The following ADGRF5 variants were observed in gnomAD, a reference collection of about 807,000 sequenced individuals.
The protein encoded by ADGRF5 is G-protein coupled receptor 116.
A neutral mutation model predicts 132.3 loss-of-function variants in ADGRF5; 75 were observed. That is an observed-to-expected ratio of 0.57 (90% CI 0.47 to 0.69). ADGRF5 has a LOEUF of 0.69. Among genes scored for constraint, ADGRF5 ranks in the 30% least tolerant of loss-of-function variants. The pLI is 0.00. For missense variants in ADGRF5, 1,516 were observed against 1,630.6 expected (o/e 0.93, Z 1.21); for synonymous variants, 629 against 597.6 (o/e 1.05, Z -0.77).
At chr6:46,882,311 T>C (rs569809437) in intron 6 of ADGRF5, among the ~76,000 whole-genome samples, 2 of 151,402 alleles carry the variant, frequency 1.3e-5, no homozygotes, top group Non-Finnish European at 2.9e-5. Flanking sequence ...GTAGACTAGA[T>C]GAAATGTGCA....
intron 2 of ADGRF5, among the ~76,000 whole-genome samples, chr6:46,904,366 T>C (rs1775103692): frequency 6.6e-6 from 1 of 152,204 alleles, no homozygotes; most frequent in African/African-American, 2.4e-5. Context: ...TATTCGGCCT[T>C]AAAAAGAGGG....
At chr6:46,866,836 T>C in intron 13 of ADGRF5, 89 bp downstream of exon 13, 1 of 725,072 alleles carries the variant, frequency 1.4e-6, no homozygotes, top group South Asian at 1.8e-5. Context: ...TACAATCCTA[T>C]GTCTCTTGAT....
At chr6:46,874,225 C>T (rs2150818269) in intron 10 of ADGRF5, among the ~76,000 whole-genome samples, 1 of 152,320 alleles carries the variant, frequency 6.6e-6, no homozygotes, top group South Asian at 2.1e-4. Flanking sequence ...TGCTTCTCTT[C>T]TCTTTATCTT....
At chr6:46,944,377 G>A (rs1778217838) in intron 1 of ADGRF5, among the ~76,000 whole-genome samples, 1 of 152,168 alleles carries the variant, frequency 6.6e-6, no homozygotes, top group South Asian at 2.1e-4. Flanking sequence ...TGTGTCACCT[G>A]GTTCCTAACA....
intron 6 of ADGRF5, 118 bp from the exon 7 acceptor site, chr6:46,882,225 G>C: frequency 3.9e-6 from 3 of 773,438 alleles, no homozygotes; most frequent in Non-Finnish European, 7.0e-6. Flanking sequence ...ATTATCTTCT[G>C]TCTATTTTGT....
chr6:46,862,241 G>T (rs1769841205), intron 15 of ADGRF5, among the ~76,000 whole-genome samples: 1 of 152,154 alleles, frequency 6.6e-6, no homozygotes, highest in Admixed American at 6.5e-5. Context: ...CTCACCAGTT[G>T]CATCACCAGA....
At chr6:46,888,554 A>G (rs760503903) in intron 3 of ADGRF5, 49 bp from the exon 4 acceptor site, 6 of 1,297,226 alleles carry the variant, frequency 4.6e-6, no homozygotes, top group Non-Finnish European at 6.7e-6. Context: ...TGGGAGATGG[A>G]GTAAGATCAT....
At chr6:46,895,008 T>C (rs1774024435) in intron 3 of ADGRF5, among the ~76,000 whole-genome samples, 1 of 152,040 alleles carries the variant, frequency 6.6e-6, no homozygotes, top group Non-Finnish European at 1.5e-5. Flanking sequence ...GAAACCTGTT[T>C]CTACTAAAAA....
At chr6:46,916,884 T>G (rs1383888216) in intron 1 of ADGRF5, among the ~76,000 whole-genome samples, 1 of 152,254 alleles carries the variant, frequency 6.6e-6, no homozygotes, top group Non-Finnish European at 1.5e-5. Context: ...TACCTTCTTT[T>G]GTCATAAATA....
Position 46,858,139 on chromosome 6 carries a change from T to C in ADGRF5, c.3764A>G (p.Asn1255Ser), listed in dbSNP as rs775344875. 9.9e-6 allele frequency: 16 copies of C among 1,610,318 alleles called. No individual in the cohort carries two copies. The highest frequency in any genetic ancestry group is 3.3e-4 in the Middle Eastern group (2 of 6,066). Residue 1255 changes from asparagine (N) to serine (S), a missense_variant, in exon 17 of 21, where the codon AAT becomes AGT. Physicochemically the swap from Asn to Ser is conservative, Grantham distance 46. This residue lies in a region of ADGRF5 where 571 missense variants were observed against 701.2 expected (regional missense o/e 0.81). Transcript: ENST00000283296. ...CACTGTAAAACTCACCTGGAAGACA[T>C]TGAGGATGGCAAATATGATATGGAA... ...LVFHIIFAIL[N>S]VFQGLFILLF...
chr6:46,885,866 C>T (rs982125000), intron 4 of ADGRF5, among the ~76,000 whole-genome samples: 4 of 152,330 alleles, frequency 2.6e-5, no homozygotes, highest in Admixed American at 1.3e-4. Flanking sequence ...CTTCCACCTT[C>T]TACATCTTAA....
chr6:46,882,234 G>C, intron 6 of ADGRF5, 127 bp from the exon 7 acceptor site: 1 of 751,138 alleles, frequency 1.3e-6, no homozygotes, highest in East Asian at 2.5e-5. Flanking sequence ...TGTCTATTTT[G>C]TTAACTGTGG....
intron 1 of ADGRF5, among the ~76,000 whole-genome samples, chr6:46,929,893 T>A (rs1777471181): frequency 6.6e-6 from 1 of 152,166 alleles, no homozygotes; most frequent in South Asian, 2.1e-4. Flanking sequence ...CGATCTTGGG[T>A]CAGTGCAACC....
At chr6:46,882,725 A>T (rs1259915252) in intron 6 of ADGRF5, among the ~76,000 whole-genome samples, 2 of 152,198 alleles carry the variant, frequency 1.3e-5, no homozygotes, top group Non-Finnish European at 2.9e-5. Flanking sequence ...GTGTGTGAGG[A>T]GGGTTCTCCT....
intron 10 of ADGRF5, among the ~76,000 whole-genome samples, chr6:46,877,285 TTCTTTCTCTCTC>T (rs1295310216): frequency 1.6e-5 from 1 of 60,926 alleles, no homozygotes; most frequent in Non-Finnish European, 3.4e-5. Context: ...CTTTCTTTCT[TTCTTTCTCTCTC>T]TCTCTCTCTT....
intron 13 of ADGRF5, among the ~76,000 whole-genome samples, chr6:46,866,088 G>A (rs1197612484): frequency 1.3e-5 from 2 of 152,190 alleles, no homozygotes; most frequent in East Asian, 3.8e-4. Flanking sequence ...ATCTACCAGA[G>A]AGACTTTGAT....
Position 46,911,446 on chromosome 6 carries a change from C to T in ADGRF5, c.-24-4660G>A, listed in dbSNP as rs576152152. 3.9e-5 allele frequency among the ~76,000 whole-genome samples: 6 copies of T among 152,224 alleles called. No homozygotes were observed. In the East Asian group the frequency reaches 5.8e-4, roughly 15 times the overall value. On this transcript the variant is annotated intron_variant, in intron 1 of 20. Transcript: ENST00000283296. ...TGTCAAACAATTTTTCTGTGTTTGGCGAAACCAAAATAACCCTATCATTTA... is the reference window on the plus strand; with the variant it reads ...TGTCAAACAATTTTTCTGTGTTTGGTGAAACCAAAATAACCCTATCATTTA...
intron 1 of ADGRF5, among the ~76,000 whole-genome samples, chr6:46,954,583 C>T (rs183998006): frequency 7.2e-5 from 11 of 152,282 alleles, no homozygotes; most frequent in African/African-American, 2.4e-4. Context: ...CACTATTTGC[C>T]CCTCACAGTC....
At position 46,879,826 on chromosome 6, in the gene ADGRF5, C is replaced by A. The variant is rs201468882; in HGVS notation, c.1028G>T (p.Gly343Val). The A allele has an allele frequency of 1.2e-6, 2 of 1,609,890 alleles. No homozygotes were observed. Among genetic ancestry groups the A allele is most frequent in the East Asian group, 2.2e-5 (1 of 44,854 alleles). ...ACTGAATGGAGACCTACCTGCATCA[C>A]CTGGAGTGATGTTGTGGATGGTGAG... ...SKLTIHNITP[G>V]DAGEYVCKLI... The change falls in exon 9 of 21, where the codon GGT becomes GTT. Residue 343 changes from glycine to valine, a missense_variant. By Grantham distance (109) the Gly-to-Val change is moderately radical (BLOSUM62 -3). Coordinates refer to ENST00000283296, the MANE Select transcript of ADGRF5 (RefSeq NM_001098518.2).
Sources: allele counts gnomAD v4.1 joint callset (sites outside exome capture counted in the v4.1 genomes callset), GRCh38; gene constraint gnomAD v4.1.1; regional missense constraint gnomAD v4.1.1; transcripts MANE v1.5; gene names NCBI Gene and HGNC (gene_info 2026-07-23, HGNC 2026-07-21).